GOLM2: variants seen among roughly 807,000 people sequenced by gnomAD.
GOLM2 encodes protein GOLM2.
A neutral mutation model predicts 55.9 loss-of-function variants in GOLM2; 26 were observed. The ratio of observed to expected loss-of-function variants is 0.47; its 90% CI spans 0.34 to 0.65. The LOEUF is 0.65. Ranked by LOEUF, GOLM2 falls within the 30% of genes least tolerant of loss-of-function variation. GOLM2 has a pLI of 0.01. For synonymous variants in GOLM2, 165 were observed against 194.6 expected (o/e 0.85, Z 1.27); for missense variants, 486 against 531.8 (o/e 0.91, Z 0.85).
chr15:44,383,927 T>A (rs1046632553), intron 8 of GOLM2, among the ~76,000 whole-genome samples: 5 of 152,048 alleles, frequency 3.3e-5, no homozygotes, highest in Non-Finnish European at 7.4e-5. Flanking sequence ...GATCCTCCCA[T>A]CTCAGCCTCC....
At chr15:44,338,199 A>G (rs773270175) in intron 5 of GOLM2, 38 bp from the exon 6 acceptor site, 5 of 1,571,670 alleles carry the variant, frequency 3.2e-6, no homozygotes, top group Non-Finnish European at 2.6e-6. Context: ...ATTATGTAAG[A>G]AAAACGATAG....
At chr15:44,296,648 C>A (rs993971658) in intron 1 of GOLM2, among the ~76,000 whole-genome samples, 2 of 152,208 alleles carry the variant, frequency 1.3e-5, no homozygotes, top group East Asian at 1.9e-4. Context: ...TTCCTTATTT[C>A]TTTTCTGCCT....
chr15:44,345,638 GA>G (rs775065784), intron 6 of GOLM2, among the ~76,000 whole-genome samples: 11 of 152,174 alleles, frequency 7.2e-5, no homozygotes, highest in Admixed American at 2.0e-4. Context: ...AAACAAAGAG[GA>G]AAATCGTATT....
chr15:44,413,312 G>C, intron 9 of GOLM2, 24 bp from the exon 10 acceptor site: 1 of 1,552,422 alleles, frequency 6.4e-7, no homozygotes, highest in Admixed American at 1.7e-5. Flanking sequence ...ATAATATGTT[G>C]ATACAAAATT....
intron 8 of GOLM2, chr15:44,382,016 T>G (rs2079406755): frequency 6.6e-6 from 1 of 152,178 alleles, no homozygotes; most frequent in South Asian, 2.1e-4. Flanking sequence ...TGTGAATGTA[T>G]AGTTTGCATT....
At chr15:44,318,430 GGGTGTGCGT>G (rs2078926627) in intron 1 of GOLM2, among the ~76,000 whole-genome samples, 1 of 152,188 alleles carries the variant, frequency 6.6e-6, no homozygotes, top group Non-Finnish European at 1.5e-5. Context: ...AATTGGGACT[GGGTGTGCGT>G]GGCTTACGCC....
chr15:44,388,446 G>C (rs932312006), intron 8 of GOLM2, among the ~76,000 whole-genome samples: 2 of 152,180 alleles, frequency 1.3e-5, no homozygotes, highest in African/African-American at 4.8e-5. Flanking sequence ...GGCCGAGGCA[G>C]ATGGATCACT....
At chr15:44,358,669 A>T (rs1308960593) in intron 6 of GOLM2, among the ~76,000 whole-genome samples, 1 of 152,234 alleles carries the variant, frequency 6.6e-6, no homozygotes, top group East Asian at 1.9e-4. Context: ...ATGAATCTAG[A>T]CATAGACGTT....
Position 44,380,954 on chromosome 15 carries a change from T to C in GOLM2, c.1050T>C (p.Ser350=). ...ILKQATKDRV[S]DFHKLKQSRF... ...AGCAGGCTACCAAGGACAGAGTCAG[T>C]GATTTCCATAAATTGAAGCAAAGTA... Residue 350 remains serine, a synonymous_variant, in exon 8 of 10, where the codon AGT becomes AGC. Coordinates refer to ENST00000299957, the MANE Select transcript of GOLM2 (RefSeq NM_138423.4). The C allele has an allele frequency of 6.4e-7, 1 of 1,571,404 alleles. No homozygotes were observed. The highest frequency in any genetic ancestry group is 8.6e-7 in the Non-Finnish European group (1 of 1,161,512).
chr15:44,411,584 G>C (rs889361439), intron 9 of GOLM2, among the ~76,000 whole-genome samples: 1 of 152,066 alleles, frequency 6.6e-6, no homozygotes, highest in Non-Finnish European at 1.5e-5. Flanking sequence ...GCTTATGCCT[G>C]TAATCCCAGT....
At chr15:44,365,071 A>C (rs1214884722) in intron 6 of GOLM2, among the ~76,000 whole-genome samples, 1 of 152,238 alleles carries the variant, frequency 6.6e-6, no homozygotes, top group Non-Finnish European at 1.5e-5. Context: ...TTGTATCCAC[A>C]CAGTAGCCTG....
chr15:44,299,474 A>T (rs891240705), intron 1 of GOLM2, among the ~76,000 whole-genome samples: 11 of 151,596 alleles, frequency 7.3e-5, no homozygotes, highest in Non-Finnish European at 1.3e-4. Context: ...TGCATTTTTG[A>T]TAGAGACAGT....
intron 1 of GOLM2, among the ~76,000 whole-genome samples, chr15:44,296,736 C>G (rs1331122546): frequency 6.6e-6 from 1 of 152,164 alleles, no homozygotes; most frequent in Non-Finnish European, 1.5e-5. Context: ...TCACCCTTTG[C>G]TCCTGAATGT....
At chr15:44,352,133 A>G (rs956721633) in intron 6 of GOLM2, among the ~76,000 whole-genome samples, 1 of 152,224 alleles carries the variant, frequency 6.6e-6, no homozygotes, top group Non-Finnish European at 1.5e-5. Context: ...AGAAAAAAGA[A>G]CAAAATAGGA....
At chr15:44,405,672 G>C (rs1471768090) in intron 9 of GOLM2, among the ~76,000 whole-genome samples, 2 of 151,920 alleles carry the variant, frequency 1.3e-5, no homozygotes, top group Non-Finnish European at 1.5e-5. Flanking sequence ...CCAGGCTAGA[G>C]TGCAGTGGTG....
At position 44,288,980 on chromosome 15, in the gene GOLM2, C is replaced by G. The variant is rs1377261617; in HGVS notation, c.-50C>G. On this transcript the variant is annotated 5_prime_UTR_variant, in exon 1 of 10. Transcript: ENST00000299957. ...ACTCCAGCCGAGGCCTGGGCTTCTG[C>G]CTGCAGGTGTCTGCGGCGAGGCCCC... 3 of 1,520,558 alleles carry G rather than the reference C, an allele frequency of 2.0e-6. No individual in the cohort carries two copies. The highest frequency in any genetic ancestry group is 2.4e-5 in the South Asian group (2 of 81,930). The allele number at this position is 1,520,558 out of a possible 1,614,324, so 94.2% of individuals were successfully genotyped here.
chr15:44,299,428 G>A (rs2078781284), intron 1 of GOLM2, among the ~76,000 whole-genome samples: 1 of 151,852 alleles, frequency 6.6e-6, no homozygotes, highest in African/African-American at 2.4e-5. Context: ...GAGTAGCTGG[G>A]ATTACAGGCA....
intron 2 of GOLM2, among the ~76,000 whole-genome samples, chr15:44,323,375 G>T (rs887734617): frequency 6.6e-6 from 1 of 151,946 alleles, no homozygotes; most frequent in African/African-American, 2.4e-5. Context: ...TGTCCAATCT[G>T]CTAAATTAAT....
At chr15:44,352,475 A>C (rs1353644890) in intron 6 of GOLM2, among the ~76,000 whole-genome samples, 1 of 152,156 alleles carries the variant, frequency 6.6e-6, no homozygotes, top group Non-Finnish European at 1.5e-5. Flanking sequence ...ACTAAAAACA[A>C]CATTGGGGAA....
Sources: gnomAD v4.1 joint callset for allele counts (sites outside exome capture counted in the v4.1 genomes callset) on GRCh38, gnomAD v4.1.1 for gene constraint, MANE v1.5 for transcripts, NCBI Gene and HGNC (gene_info 2026-07-23, HGNC 2026-07-21) for gene names.